The following KCNC2 variants were observed in gnomAD, a reference collection of about 807,000 sequenced individuals.
The protein encoded by KCNC2 is potassium voltage-gated channel subfamily C member 2, also known as voltage-gated potassium channel KCNC2.
KCNC2 carries 21 observed loss-of-function variants against 44.5 expected under a neutral mutation model. The observed-to-expected ratio is 0.47, with a 90% CI of 0.33 to 0.68. The LOEUF is 0.68. Among genes scored for constraint, KCNC2 ranks in the 30% least tolerant of loss-of-function variants. KCNC2 has a pLI of 0.01. For synonymous variants in KCNC2, 391 were observed against 339.1 expected (o/e 1.15, Z -1.68); for missense variants, 589 against 826.2 (o/e 0.71, Z 3.52).
At chr12:75,193,120 C>T (rs1381777987) in intron 2 of KCNC2, among the ~76,000 whole-genome samples, 1 of 152,026 alleles carries the variant, frequency 6.6e-6, no homozygotes, top group Non-Finnish European at 1.5e-5. Context: ...TGTTCCTATA[C>T]ACAAGTTTAT....
At chr12:75,117,570 C>T (rs901791137) in intron 2 of KCNC2, among the ~76,000 whole-genome samples, 3 of 152,086 alleles carry the variant, frequency 2.0e-5, no homozygotes, top group Non-Finnish European at 4.4e-5. Context: ...AGAGAGTATT[C>T]AGGGAATTTT....
At chr12:75,092,328 C>T (rs1885555857) in intron 2 of KCNC2, among the ~76,000 whole-genome samples, 1 of 151,496 alleles carries the variant, frequency 6.6e-6, no homozygotes, top group African/African-American at 2.4e-5. Context: ...AGAATATCAG[C>T]CTGTATAATT....
At chr12:75,148,779 C>A (rs1374019887) in intron 2 of KCNC2, among the ~76,000 whole-genome samples, 1 of 151,824 alleles carries the variant, frequency 6.6e-6, no homozygotes, top group Non-Finnish European at 1.5e-5. Flanking sequence ...CTTCACATTA[C>A]CTAATATCTT....
chr12:75,086,681 A>AAAAAAAATATATATATATAT (rs1206456289), intron 2 of KCNC2, among the ~76,000 whole-genome samples: 1 of 54,206 alleles, frequency 1.8e-5, no homozygotes, highest in Non-Finnish European at 3.5e-5. Context: ...AAAAAAAAAA[A>AAAAAAAATATATATATATAT]ATATATATAT....
chr12:75,095,790 T>A (rs549001341), intron 2 of KCNC2, among the ~76,000 whole-genome samples: 2 of 152,054 alleles, frequency 1.3e-5, no homozygotes, highest in South Asian at 4.1e-4. Flanking sequence ...TTAATCATGT[T>A]CTTAAATATT....
At chr12:75,070,303 T>TAC in intron 2 of KCNC2, among the ~76,000 whole-genome samples, 1 of 151,234 alleles carries the variant, frequency 6.6e-6, no homozygotes, top group South Asian at 2.1e-4. Flanking sequence ...TACAAAAAAT[T>TAC]AGCCAGTCAT....
intron 2 of KCNC2, among the ~76,000 whole-genome samples, chr12:75,117,292 A>G (rs1408028475): frequency 1.3e-5 from 2 of 152,200 alleles, no homozygotes; most frequent in Non-Finnish European, 2.9e-5. Context: ...TGGAAAAAAT[A>G]CAAGCTGCAC....
At chr12:75,044,670 CT>C (rs752792158) in intron 4 of KCNC2, 3 of 151,888 alleles carry the variant, frequency 2.0e-5, no homozygotes, top group Non-Finnish European at 4.4e-5. Flanking sequence ...TGAAGCTGGA[CT>C]GGATAAGAAA....
At chr12:75,046,845 C>T (rs1339377817) in intron 4 of KCNC2, among the ~76,000 whole-genome samples, 1 of 151,848 alleles carries the variant, frequency 6.6e-6, no homozygotes, top group South Asian at 2.1e-4. Flanking sequence ...GAACAAGAGT[C>T]TTTTGTCTTC....
chr12:75,093,969 A>G (rs1885707935), intron 2 of KCNC2, among the ~76,000 whole-genome samples: 1 of 151,722 alleles, frequency 6.6e-6, no homozygotes, highest in Non-Finnish European at 1.5e-5. Context: ...CACCAACCTA[A>G]TAATAATGCA....
At chr12:75,169,984 T>A (rs1891704493) in intron 2 of KCNC2, among the ~76,000 whole-genome samples, 1 of 151,702 alleles carries the variant, frequency 6.6e-6, no homozygotes, top group Admixed American at 6.6e-5. Flanking sequence ...CAATAAAATT[T>A]GAAAATGGGG....
intron 2 of KCNC2, among the ~76,000 whole-genome samples, chr12:75,198,991 G>T (rs1050117932): frequency 6.6e-6 from 1 of 151,700 alleles, no homozygotes; most frequent in African/African-American, 2.4e-5. Flanking sequence ...TTTTATAAAA[G>T]ATGTCTTTGC....
intron 2 of KCNC2, among the ~76,000 whole-genome samples, chr12:75,138,817 A>G (rs570470350): frequency 4.6e-5 from 7 of 151,792 alleles, no homozygotes; most frequent in Non-Finnish European, 8.8e-5. Flanking sequence ...CGTCTCTACT[A>G]AAAAATACAA....
chr12:75,071,742 G>A (rs1020428165), intron 2 of KCNC2, among the ~76,000 whole-genome samples: 4 of 151,876 alleles, frequency 2.6e-5, no homozygotes, highest in African/African-American at 9.7e-5. Flanking sequence ...ACGAGGTCAG[G>A]AGTTTGAGAC....
intron 2 of KCNC2, among the ~76,000 whole-genome samples, chr12:75,074,929 T>C (rs1160336440): frequency 6.6e-6 from 1 of 152,114 alleles, no homozygotes; most frequent in African/African-American, 2.4e-5. Context: ...AGAGCTTACT[T>C]GAATCAAACT....
At chr12:75,166,505 A>C (rs1197508180) in intron 2 of KCNC2, among the ~76,000 whole-genome samples, 3 of 151,186 alleles carry the variant, frequency 2.0e-5, no homozygotes, top group African/African-American at 7.3e-5. Context: ...CATCAGCAGA[A>C]TACACATTTG....
At chr12:75,136,143 T>C (rs1199798603) in intron 2 of KCNC2, among the ~76,000 whole-genome samples, 7 of 151,974 alleles carry the variant, frequency 4.6e-5, no homozygotes, top group Non-Finnish European at 7.4e-5. Flanking sequence ...TACATGAAAA[T>C]AGAGACACAA....
At chr12:75,105,222 G>A (rs985570043) in intron 2 of KCNC2, among the ~76,000 whole-genome samples, 1 of 152,108 alleles carries the variant, frequency 6.6e-6, no homozygotes, top group African/African-American at 2.4e-5. Context: ...GGAAGTGAGT[G>A]TGTAAAACAT....
At chr12:75,069,074 T>C (rs1484960009) in intron 2 of KCNC2, among the ~76,000 whole-genome samples, 2 of 144,594 alleles carry the variant, frequency 1.4e-5, no homozygotes, top group Non-Finnish European at 3.0e-5. Flanking sequence ...ACCTTAAACA[T>C]AGCTAAAACA....
Sources: gnomAD v4.1 joint callset for allele counts (sites outside exome capture counted in the v4.1 genomes callset) on GRCh38, gnomAD v4.1.1 for gene constraint, MANE v1.5 for transcripts, NCBI Gene and HGNC (gene_info 2026-07-23, HGNC 2026-07-21) for gene names.